Variants in NYAP2 observed in about 807,000 individuals in gnomAD.
NYAP2 encodes neuronal tyrosine-phosphorylated phosphoinositide-3-kinase adaptor 2.
A neutral mutation model predicts 50.4 loss-of-function variants in NYAP2; 23 were observed. That is an observed-to-expected ratio of 0.46 (90% confidence interval 0.33 to 0.65). The LOEUF is 0.65. NYAP2 is among the 30% of genes least tolerant of loss of function. NYAP2 has a pLI of 0.02. For missense variants in NYAP2, 885 were observed against 861.0 expected, an observed-to-expected ratio of 1.03 and a Z score of -0.35; for synonymous variants, 394 against 365.2, an observed-to-expected ratio of 1.08 and a Z score of -0.90.
chr2:225,539,326 AG>A (rs1428780346), intron 4 of NYAP2, among the ~76,000 whole-genome samples: 1 of 152,234 alleles, frequency 6.6e-6, no homozygotes, highest in Non-Finnish European at 1.5e-5. Flanking sequence ...GTGTCTTTAT[AG>A]TAGAATGATT....
At chr2:225,644,707 C>T (rs1464971053) in intron 6 of NYAP2, among the ~76,000 whole-genome samples, 1 of 146,562 alleles carries the variant, frequency 6.8e-6, no homozygotes, top group Non-Finnish European at 1.5e-5. Flanking sequence ...GAATCCTTTC[C>T]CCATTGCTTG....
chr2:225,643,740 A>T (rs1283935021), intron 6 of NYAP2, among the ~76,000 whole-genome samples: 3 of 151,726 alleles, frequency 2.0e-5, no homozygotes, highest in African/African-American at 2.4e-5. Context: ...GATGATTTCC[A>T]CTTTCATCCA....
At chr2:225,446,244 CTCTATATATATATATATA>C (rs1254414527) in intron 3 of NYAP2, among the ~76,000 whole-genome samples, 3 of 112,178 alleles carry the variant, frequency 2.7e-5, no homozygotes, top group African/African-American at 1.0e-4. Context: ...CTCTCTCTCT[CTCTATATATATATATATA>C]TATATATATA....
At position 225,497,071 on chromosome 2, in the gene NYAP2, A is replaced by G. The variant is rs187981509; in HGVS notation, c.222-16300A>G. ...CTGGACGCTGACACCCCTTAGGGCT[A>G]CAGCATAAAGCGGATAATCCAAGTG... On this transcript the variant is annotated intron_variant, in intron 3 of 6. Transcript: ENST00000636099. 2.6e-5 allele frequency among the ~76,000 whole-genome samples: 4 copies of G among 152,320 alleles called. No individual in the cohort carries two copies. The East Asian group carries it at 7.7e-4, about 29-fold the overall frequency.
At chr2:225,405,320 G>A (rs1266578780) in intron 2 of NYAP2, among the ~76,000 whole-genome samples, 1 of 151,930 alleles carries the variant, frequency 6.6e-6, no homozygotes, top group African/African-American at 2.4e-5. Context: ...CTGGAGGAGA[G>A]GGGACATTTG....
At chr2:225,637,644 C>G (rs1012753426) in intron 6 of NYAP2, among the ~76,000 whole-genome samples, 1 of 152,126 alleles carries the variant, frequency 6.6e-6, no homozygotes. Flanking sequence ...TTTGGAGGGG[C>G]CTTGGAGGGT....
intron 2 of NYAP2, among the ~76,000 whole-genome samples, chr2:225,407,655 G>A (rs902368600): frequency 6.6e-6 from 1 of 151,964 alleles, no homozygotes; most frequent in South Asian, 2.1e-4. Flanking sequence ...ACATCAAATA[G>A]TTGGGCTGAT....
Position 225,589,242 on chromosome 2 carries a change from T to A in NYAP2, c.1618+6207T>A, listed in dbSNP as rs73090831. Among the ~76,000 whole-genome samples the A allele has an allele frequency of 9.1e-3, 1,391 of 152,032 alleles. 41 individuals carry two copies. Among genetic ancestry groups the A allele is most frequent in the African/African-American group, 0.032 (1,333 of 41,452 alleles). On this transcript the variant is annotated intron_variant, in intron 5 of 6. Transcript: ENST00000636099. ...CTTTATCCACCAACTAGGTCTTGCC[T>A]AGAGTTCTGGATTTGTATCTGAGAG...
intron 3 of NYAP2, among the ~76,000 whole-genome samples, chr2:225,473,837 G>A (rs1455849999): frequency 6.6e-6 from 1 of 152,220 alleles, no homozygotes; most frequent in African/African-American, 2.4e-5. Context: ...GTCAATTTTG[G>A]CTTTTGTTGC....
intron 2 of NYAP2, among the ~76,000 whole-genome samples, chr2:225,406,728 T>A (rs1170785042): frequency 6.6e-6 from 1 of 152,016 alleles, no homozygotes; most frequent in Non-Finnish European, 1.5e-5. Flanking sequence ...AAAAAATGCA[T>A]CTTTCTATAG....
chr2:225,415,297 C>T (rs1258314881), intron 3 of NYAP2, among the ~76,000 whole-genome samples: 1 of 152,084 alleles, frequency 6.6e-6, no homozygotes, highest in Non-Finnish European at 1.5e-5. Context: ...CACTAAAGTC[C>T]ATCCTTTGGA....
chr2:225,497,075 C>G (rs1448312082), intron 3 of NYAP2, among the ~76,000 whole-genome samples: 1 of 152,150 alleles, frequency 6.6e-6, no homozygotes, highest in Non-Finnish European at 1.5e-5. Flanking sequence ...AGGGCTACAG[C>G]ATAAAGCGGA....
At chr2:225,649,327 G>A (rs1380793073) in intron 6 of NYAP2, among the ~76,000 whole-genome samples, 1 of 152,144 alleles carries the variant, frequency 6.6e-6, no homozygotes, top group Non-Finnish European at 1.5e-5. Context: ...TGGATCGGTT[G>A]GAAAGTAAAG....
intron 5 of NYAP2, among the ~76,000 whole-genome samples, chr2:225,590,795 A>G (rs1692487367): frequency 6.6e-6 from 1 of 152,186 alleles, no homozygotes; most frequent in Admixed American, 6.5e-5. Flanking sequence ...TTCAAAAGAG[A>G]TAACAATTTC....
chr2:225,548,311 G>T (rs1377748716), intron 4 of NYAP2, among the ~76,000 whole-genome samples: 1 of 147,726 alleles, frequency 6.8e-6, no homozygotes, highest in Non-Finnish European at 1.5e-5. Context: ...ATAGTCAAGA[G>T]GTCCAGAGGT....
chr2:225,523,304 C>G (rs1574657644), intron 4 of NYAP2, among the ~76,000 whole-genome samples: 3 of 150,720 alleles, frequency 2.0e-5, no homozygotes, highest in African/African-American at 7.3e-5. Context: ...ATGATTTGAT[C>G]TCGTATCTAG....
the NYAP2 span, among the ~76,000 whole-genome samples, chr2:225,668,711 C>T: frequency 1.3e-5 from 2 of 151,886 alleles, no homozygotes; most frequent in African/African-American, 2.4e-5. Context: ...TCTTCTTACT[C>T]TCAATGCACT....
At chr2:225,488,158 C>G (rs1690336902) in intron 3 of NYAP2, among the ~76,000 whole-genome samples, 1 of 152,136 alleles carries the variant, frequency 6.6e-6, no homozygotes, top group Admixed American at 6.5e-5. Flanking sequence ...AAAGGAATGA[C>G]AGAAAAATCT....
intron 4 of NYAP2, among the ~76,000 whole-genome samples, chr2:225,574,427 G>A (rs1479689441): frequency 6.6e-6 from 1 of 152,130 alleles, no homozygotes; most frequent in Non-Finnish European, 1.5e-5. Flanking sequence ...TTCCTCCCTG[G>A]TTTTGATTAT....
Sources: allele counts gnomAD v4.1 joint callset (sites outside exome capture counted in the v4.1 genomes callset), GRCh38; gene constraint gnomAD v4.1.1; transcripts MANE v1.5; gene names NCBI Gene and HGNC (gene_info 2026-07-23, HGNC 2026-07-21).